Variants in APBA2 observed in about 807,000 individuals in gnomAD.
The protein encoded by APBA2 is amyloid-beta A4 precursor protein-binding family A member 2.
In APBA2, 30 loss-of-function variants were observed where a neutral mutation model predicts 75.0. That is an observed-to-expected ratio of 0.40 (90% confidence interval 0.30 to 0.54). The LOEUF is 0.54. Ranked by LOEUF, APBA2 falls within the 20% of genes least tolerant of loss-of-function variation. APBA2 has a pLI of 0.49. For missense variants in APBA2, 801 were observed against 1,016.1 expected (o/e 0.79, Z 2.88); for synonymous variants, 444 against 409.6 (o/e 1.08, Z -1.01).
In APBA2 at chr15:29,080,790, A is replaced by AT. The variant is rs552977468; in HGVS notation, c.1069+4700dup. On this transcript the variant is annotated intron_variant, in intron 6 of 14. Coordinates refer to ENST00000683413, the MANE Select transcript of APBA2 (RefSeq NM_001353788.2). ...CGTGCTCATTAAAACCAAAAGGCTG[A>AT]TGTTAGTCCCAAGCAATGGGGCCTA... 7.2e-5 allele frequency among the ~76,000 whole-genome samples: 11 copies of AT among 152,318 alleles called. No homozygotes were observed. The East Asian group carries it at 2.1e-3, about 29-fold the overall frequency.
rs2044528161 is a variant in APBA2 at position 29,108,130 on chromosome 15, A to G, written c.1918-140A>G. 5.6e-6 allele frequency: 7 copies of G among 1,258,026 alleles called. No individual in the cohort carries two copies. In the South Asian group the frequency reaches 7.4e-5, roughly 13 times the overall value. 77.9% of individuals were successfully genotyped at this position (1,258,026 alleles called of 1,614,324 possible). A position where few individuals can be genotyped will look rare whatever the true frequency, so the allele number is the denominator to read the frequency against. On this transcript the variant is annotated intron_variant, in intron 12 of 14. Coordinates refer to ENST00000683413, the MANE Select transcript of APBA2 (RefSeq NM_001353788.2). ...TCCCCGCTGCACAGAGGGGCTACCGAGGCTGAGAGGGGACTGCCTGCCTCT... is the reference window on the plus strand; with the variant it reads ...TCCCCGCTGCACAGAGGGGCTACCGGGGCTGAGAGGGGACTGCCTGCCTCT...
At chr15:29,055,834 T>G (rs1177641004) in intron 4 of APBA2, among the ~76,000 whole-genome samples, 1 of 152,180 alleles carries the variant, frequency 6.6e-6, no homozygotes, top group Non-Finnish European at 1.5e-5. Flanking sequence ...ACGTTAAGTG[T>G]CAGTTGACTT....
intron 2 of APBA2, among the ~76,000 whole-genome samples, chr15:28,932,564 G>T (rs142470684): frequency 1.3e-5 from 2 of 152,218 alleles, no homozygotes; most frequent in African/African-American, 4.8e-5. Context: ...CCTGTGGCAG[G>T]ACAGCCAGGG....
At chr15:29,082,743 C>T (rs1273239087) in intron 6 of APBA2, among the ~76,000 whole-genome samples, 1 of 152,114 alleles carries the variant, frequency 6.6e-6, no homozygotes, top group African/African-American at 2.4e-5. Context: ...GTGTGACCAT[C>T]ACACTCCTAA....
chr15:28,904,828 A>G (rs1393615526), intron 1 of APBA2, among the ~76,000 whole-genome samples: 2 of 152,216 alleles, frequency 1.3e-5, no homozygotes, highest in East Asian at 3.9e-4. Flanking sequence ...CCCGTGGAGA[A>G]TTTTAGAGAC....
At chr15:28,962,875 C>T (rs372280015) in intron 2 of APBA2, among the ~76,000 whole-genome samples, 11 of 152,202 alleles carry the variant, frequency 7.2e-5, no homozygotes, top group South Asian at 4.1e-4. Context: ...GTACTTTAAC[C>T]GCTTCCTGGA....
At chr15:28,913,933 C>CG (rs1400726134) in intron 1 of APBA2, among the ~76,000 whole-genome samples, 2 of 152,072 alleles carry the variant, frequency 1.3e-5, no homozygotes, top group Non-Finnish European at 2.9e-5. Context: ...TGACAGGCTG[C>CG]GGGCCAGTGG....
intron 9 of APBA2, among the ~76,000 whole-genome samples, chr15:29,099,483 T>C (rs1362133670): frequency 1.3e-5 from 2 of 152,120 alleles, no homozygotes; most frequent in Admixed American, 6.5e-5. Context: ...CAGCCCAAGG[T>C]GTTTACTGGG....
intron 4 of APBA2, among the ~76,000 whole-genome samples, chr15:29,064,806 G>T (rs1045756598): frequency 4.6e-5 from 7 of 152,294 alleles, no homozygotes; most frequent in Non-Finnish European, 8.8e-5. Flanking sequence ...AGGAAGGCCA[G>T]ATGTAGCAGG....
chr15:28,934,057 C>T (rs933782072), intron 2 of APBA2, among the ~76,000 whole-genome samples: 4 of 151,266 alleles, frequency 2.6e-5, no homozygotes, highest in African/African-American at 7.3e-5. Context: ...CAGCTCCTTC[C>T]GCCTGGTCTC....
At chr15:28,962,086 G>A (rs892983852) in intron 2 of APBA2, among the ~76,000 whole-genome samples, 8 of 151,896 alleles carry the variant, frequency 5.3e-5, no homozygotes, top group East Asian at 1.9e-4. Flanking sequence ...TTAATCTATC[G>A]TCGTGAACTC....
intron 2 of APBA2, among the ~76,000 whole-genome samples, chr15:28,930,579 T>C (rs1326023104): frequency 6.6e-6 from 1 of 152,036 alleles, no homozygotes; most frequent in African/African-American, 2.4e-5. Flanking sequence ...GCTGTGTGTC[T>C]CCTTCTTTCT....
chr15:29,017,828 C>T (rs917959191), intron 3 of APBA2, among the ~76,000 whole-genome samples: 4 of 152,112 alleles, frequency 2.6e-5, no homozygotes, highest in African/African-American at 7.2e-5. Context: ...TGTGTTTCTG[C>T]GGCAATATCT....
chr15:29,067,678 C>T (rs946356715), intron 4 of APBA2, among the ~76,000 whole-genome samples: 4 of 152,204 alleles, frequency 2.6e-5, no homozygotes, highest in Admixed American at 6.5e-5. Context: ...CTGCCATCCT[C>T]TCGCCTTTTC....
At chr15:29,100,286 A>C (rs76894316) in intron 9 of APBA2, among the ~76,000 whole-genome samples, 1 of 152,190 alleles carries the variant, frequency 6.6e-6, no homozygotes, top group African/African-American at 2.4e-5. Flanking sequence ...CCCTCCCTGG[A>C]AGGTGACTCT....
In APBA2 at chr15:29,071,096, C is replaced by T. The variant is rs547532804; in HGVS notation, c.952-3825C>T. The T allele has an allele frequency of 4.2e-4, 192 of 456,376 alleles. 2 individuals carry two copies. Among genetic ancestry groups the T allele is most frequent in the South Asian group, 2.8e-3 (178 of 64,500 alleles). The allele number at this position is 456,376 out of a possible 1,614,324, so 28.3% of individuals were successfully genotyped here. On this transcript the variant is annotated intron_variant, in intron 4 of 14. Transcript: ENST00000683413. ...CTGACTATGTTGACGATGGCCTGAG[C>T]GGAGTGAGTGTGCACTAGTTTGGTG... is the stretch of plus-strand genomic sequence containing the variant.
At chr15:28,941,688 G>A (rs979013713) in intron 2 of APBA2, among the ~76,000 whole-genome samples, 8 of 152,308 alleles carry the variant, frequency 5.3e-5, no homozygotes, top group African/African-American at 1.9e-4. Flanking sequence ...TGGAGTGGCC[G>A]GTAGGGCCCC....
intron 3 of APBA2, among the ~76,000 whole-genome samples, chr15:29,038,832 C>T (rs2152858282): frequency 6.6e-6 from 1 of 152,080 alleles, no homozygotes; most frequent in South Asian, 2.1e-4. Flanking sequence ...CGCCACCACA[C>T]CTGGCTGATT....
intron 8 of APBA2, among the ~76,000 whole-genome samples, chr15:29,097,378 C>T (rs182741284): frequency 6.6e-6 from 1 of 152,388 alleles, no homozygotes; most frequent in Non-Finnish European, 1.5e-5. Flanking sequence ...GCCCTCCTCC[C>T]TCCCAGGTGC....
Sources: gnomAD v4.1 joint callset for allele counts (sites outside exome capture counted in the v4.1 genomes callset) on GRCh38, gnomAD v4.1.1 for gene constraint, MANE v1.5 for transcripts, NCBI Gene and HGNC (gene_info 2026-07-23, HGNC 2026-07-21) for gene names.